SFMBT2: variants seen among roughly 807,000 people sequenced by gnomAD.
SFMBT2 encodes Scm like with four mbt domains 2.
Under a neutral mutation model 110.1 loss-of-function variants are expected in SFMBT2, and 38 were observed. The observed-to-expected ratio is 0.35, with a 90% CI of 0.27 to 0.45. The LOEUF is 0.45. Ranked by LOEUF, SFMBT2 falls within the 20% of genes least tolerant of loss-of-function variation. The probability of loss-of-function intolerance (pLI) is 1.00; values close to 1 mark genes in which losing one functional copy is unlikely to be tolerated. For synonymous variants in SFMBT2, 425 were observed against 425.4 expected (o/e 1.00, Z 0.01); for missense variants, 1,011 against 1,094.9 (o/e 0.92, Z 1.08).
intron 9 of SFMBT2, among the ~76,000 whole-genome samples, chr10:7,239,875 AGTCTGGGGTTTTTAACC>A (rs151256763): frequency 0.017 from 2,642 of 152,204 alleles, 69 homozygotes; most frequent in African/African-American, 0.06. Context: ...TGGTATCTTA[AGTCTGGGGTTTTTAACC>A]CGACACCCCT....
At chr10:7,200,142 C>T (rs1838904541) in intron 14 of SFMBT2, among the ~76,000 whole-genome samples, 1 of 152,180 alleles carries the variant, frequency 6.6e-6, no homozygotes, top group South Asian at 2.1e-4. Flanking sequence ...CCTAATTTGG[C>T]TCCTAATTTG....
At chr10:7,217,873 C>T (rs1717605042) in intron 11 of SFMBT2, among the ~76,000 whole-genome samples, 2 of 152,222 alleles carry the variant, frequency 1.3e-5, no homozygotes, top group African/African-American at 4.8e-5. Context: ...ATCAGTCACC[C>T]TTGCTAACTA....
intron 4 of SFMBT2, among the ~76,000 whole-genome samples, chr10:7,347,852 T>C (rs1844169356): frequency 6.6e-6 from 1 of 152,206 alleles, no homozygotes; most frequent in South Asian, 2.1e-4. Context: ...CCCTGCAGAA[T>C]CCTTCATAGA....
intron 9 of SFMBT2, among the ~76,000 whole-genome samples, chr10:7,235,450 C>G (rs11255053): frequency 0.26 from 39,311 of 151,752 alleles, 5,294 homozygotes; most frequent in South Asian, 0.38. Flanking sequence ...AAAAAGAGTG[C>G]TTCCGCCAGT....
intron 15 of SFMBT2, chr10:7,189,044 A>AAT: frequency 1.7e-6 from 1 of 605,292 alleles, no homozygotes; most frequent in Non-Finnish European, 2.1e-6. Context: ...TTCACCAAAG[A>AAT]GCAATTTATT....
In SFMBT2 at chr10:7,408,473, T is replaced by C. The variant is rs1313490829; in HGVS notation, c.-52+2388A>G. Among the ~76,000 whole-genome samples the C allele has an allele frequency of 6.6e-6, 1 of 152,238 alleles. No individual in the cohort carries two copies. The highest frequency in any genetic ancestry group is 1.5e-5 in the Non-Finnish European group (1 of 68,034). On this transcript the variant is annotated intron_variant, in intron 1 of 20. Transcript: ENST00000397167. This position sits in a 1 kb window ranked among gnomAD's most constrained non-coding sequence, Gnocchi z 5.7. Reference sequence around the variant, plus strand: ...ACTACAAACCTGGCCAACATGTCTTTGTAACCCTATCATTTAAAAACGCTT... The same window carrying C: ...ACTACAAACCTGGCCAACATGTCTTCGTAACCCTATCATTTAAAAACGCTT...
intron 4 of SFMBT2, chr10:7,329,415 G>A (rs944008323): frequency 4.1e-6 from 4 of 983,734 alleles, no homozygotes; most frequent in Non-Finnish European, 4.8e-6. Flanking sequence ...CACAGCACGG[G>A]TGCTAAAGAC....
At chr10:7,285,613 G>C (rs778450719) in intron 5 of SFMBT2, 1 of 440,270 alleles carries the variant, frequency 2.3e-6, no homozygotes, top group Non-Finnish European at 4.2e-6. Context: ...CTAGCATATT[G>C]TGATTTAAAA....
At chr10:7,285,103 C>T (rs531885187) in intron 5 of SFMBT2, 1 of 152,186 alleles carries the variant, frequency 6.6e-6, no homozygotes, top group Non-Finnish European at 1.5e-5. Flanking sequence ...AAAATCCACA[C>T]CTTATTACTT....
intron 7 of SFMBT2, among the ~76,000 whole-genome samples, chr10:7,258,714 T>C (rs1000189092): frequency 6.6e-6 from 1 of 152,218 alleles, no homozygotes; most frequent in Non-Finnish European, 1.5e-5. Flanking sequence ...TCATTCTTCT[T>C]TTGTTTTACC....
chr10:7,208,524 A>G (rs1839226186), intron 11 of SFMBT2, among the ~76,000 whole-genome samples: 1 of 150,574 alleles, frequency 6.6e-6, no homozygotes, highest in Non-Finnish European at 1.5e-5. Flanking sequence ...ATCTCTACTA[A>G]AAATACAAAA....
At chr10:7,385,468 C>A (rs764744874) in intron 1 of SFMBT2, among the ~76,000 whole-genome samples, 2 of 152,096 alleles carry the variant, frequency 1.3e-5, no homozygotes, top group Non-Finnish European at 2.9e-5. Context: ...AAGGTAGGAA[C>A]TGAAACACGT....
chr10:7,232,547 A>T (rs1444052761), intron 9 of SFMBT2, among the ~76,000 whole-genome samples: 1 of 152,224 alleles, frequency 6.6e-6, no homozygotes, highest in Admixed American at 6.5e-5. Context: ...AAAAATTCAT[A>T]AAAAATAACT....
chr10:7,230,375 T>C (rs560157402), intron 9 of SFMBT2, among the ~76,000 whole-genome samples: 1 of 152,318 alleles, frequency 6.6e-6, no homozygotes, highest in African/African-American at 2.4e-5. Flanking sequence ...GGTAATGTAA[T>C]GTGAGTTTCT....
intron 11 of SFMBT2, among the ~76,000 whole-genome samples, chr10:7,218,930 C>T (rs888305935): frequency 2.5e-4 from 38 of 152,300 alleles, no homozygotes; most frequent in African/African-American, 8.9e-4. Flanking sequence ...AGGTAATTAA[C>T]AGTCATAAAG....
intron 4 of SFMBT2, among the ~76,000 whole-genome samples, chr10:7,363,599 G>C (rs774613282): frequency 2.0e-5 from 3 of 152,108 alleles, no homozygotes; most frequent in Non-Finnish European, 2.9e-5. Context: ...GCCCGCATCG[G>C]CCTCCCAAAG....
intron 16 of SFMBT2, among the ~76,000 whole-genome samples, chr10:7,181,117 T>C (rs536930959): frequency 1.3e-5 from 2 of 151,970 alleles, no homozygotes; most frequent in South Asian, 4.1e-4. Context: ...TGCACGCCTG[T>C]AGTCTCAGCT....
chr10:7,348,109 C>T (rs918741636), intron 4 of SFMBT2: 7 of 467,096 alleles, frequency 1.5e-5, no homozygotes, highest in East Asian at 6.5e-5. Flanking sequence ...CCCTTCATCT[C>T]TACGAGTCAA....
intron 20 of SFMBT2, among the ~76,000 whole-genome samples, chr10:7,169,837 T>C (rs183956566): frequency 6.6e-6 from 1 of 152,330 alleles, no homozygotes; most frequent in Admixed American, 6.5e-5. Context: ...TGATCTTGTG[T>C]TTTAGCTAAC....
Sources: gnomAD v4.1 joint callset for allele counts (sites outside exome capture counted in the v4.1 genomes callset) on GRCh38, gnomAD v4.1.1 for gene constraint, Gnocchi (gnomAD v3.1) non-coding constraint, MANE v1.5 for transcripts, NCBI Gene and HGNC (gene_info 2026-07-23, HGNC 2026-07-21) for gene names.